PTPRR: variants seen among roughly 807,000 people sequenced by gnomAD.
PTPRR encodes receptor-type tyrosine-protein phosphatase R.
Under a neutral mutation model 77.2 loss-of-function variants are expected in PTPRR, and 38 were observed. The observed-to-expected ratio is 0.49, with a 90% CI of 0.38 to 0.65. The LOEUF is 0.65. PTPRR is among the 30% of genes least tolerant of loss of function. The probability of loss-of-function intolerance (pLI) is 0.00; values close to 1 mark genes in which losing one functional copy is unlikely to be tolerated. For missense variants in PTPRR, 744 were observed against 799.2 expected, an observed-to-expected ratio of 0.93 and a Z score of 0.83; for synonymous variants, 299 against 283.1, an observed-to-expected ratio of 1.06 and a Z score of -0.57.
chr12:70,882,764 C>T (rs1001218794), intron 2 of PTPRR, among the ~76,000 whole-genome samples: 1 of 152,150 alleles, frequency 6.6e-6, no homozygotes, highest in African/African-American at 2.4e-5. Flanking sequence ...AGCTCCAGAT[C>T]CTCATCTATT....
At chr12:70,813,320 C>T (rs1891842751) in intron 2 of PTPRR, among the ~76,000 whole-genome samples, 1 of 152,172 alleles carries the variant, frequency 6.6e-6, no homozygotes, top group African/African-American at 2.4e-5. Context: ...AGAGGATTAA[C>T]TTTTGCATTG....
intron 10 of PTPRR, among the ~76,000 whole-genome samples, chr12:70,669,961 A>T (rs1887157929): frequency 6.6e-6 from 1 of 152,150 alleles, no homozygotes; most frequent in Non-Finnish European, 1.5e-5. Flanking sequence ...CTGGCCAAAC[A>T]TGTGTAATTA....
In PTPRR at chr12:70,797,742, C is replaced by T. The variant is rs577530745; in HGVS notation, c.358-32964G>A. Among the ~76,000 whole-genome samples the T allele has an allele frequency of 4.6e-5, 7 of 152,282 alleles. No individual in the cohort carries two copies. The East Asian group carries it at 1.2e-3, about 25-fold the overall frequency. ...TCTTCTTGAAACTTTCTTCTCTTAG[C>T]TTCTGTGGCATCATATATTCCTGGG... On this transcript the variant is annotated intron_variant, in intron 2 of 13. Transcript: ENST00000283228.
At chr12:70,757,892 A>G (rs1890599800) in intron 4 of PTPRR, among the ~76,000 whole-genome samples, 1 of 152,226 alleles carries the variant, frequency 6.6e-6, no homozygotes, top group African/African-American at 2.4e-5. Context: ...ATAAAGTTGT[A>G]AGAAAACTCA....
chr12:70,830,791 T>C (rs1443309402), intron 2 of PTPRR, among the ~76,000 whole-genome samples: 2 of 152,218 alleles, frequency 1.3e-5, no homozygotes, highest in Non-Finnish European at 2.9e-5. Context: ...ATCAGGGCTC[T>C]GAGTTCTCTA....
intron 2 of PTPRR, among the ~76,000 whole-genome samples, chr12:70,825,878 C>T (rs894375181): frequency 6.6e-6 from 1 of 152,222 alleles, no homozygotes; most frequent in Non-Finnish European, 1.5e-5. Context: ...GTGGCTCCCA[C>T]GTTACAGCTG....
chr12:70,688,564 A>G (rs1887951870), intron 8 of PTPRR, among the ~76,000 whole-genome samples: 1 of 152,208 alleles, frequency 6.6e-6, no homozygotes, highest in Admixed American at 6.5e-5. Flanking sequence ...GTTGTGAAGA[A>G]AAGGGAGCTC....
chr12:70,656,434 T>C lies in PTPRR; in HGVS notation c.1880+270A>G, dbSNP rs1437060814. Among the ~76,000 whole-genome samples the C allele has an allele frequency of 2.0e-5, 3 of 151,800 alleles. No individual in the cohort carries two copies. In the South Asian group the frequency reaches 6.2e-4, roughly 32 times the overall value. On this transcript the variant is annotated intron_variant, in intron 13 of 13. Coordinates refer to ENST00000283228, the MANE Select transcript of PTPRR (RefSeq NM_002849.4). ...TCCTAGCTACGTGCGGGGGCTGAGG[T>C]GTGAGGATTGCTTGAGCCCAGGAGT...
chr12:70,888,075 A>C (rs916287361), intron 2 of PTPRR, among the ~76,000 whole-genome samples: 1 of 151,956 alleles, frequency 6.6e-6, no homozygotes, highest in African/African-American at 2.4e-5. Flanking sequence ...AACTTTCTGC[A>C]GATCACCATA....
intron 5 of PTPRR, among the ~76,000 whole-genome samples, chr12:70,748,386 C>T (rs931219239): frequency 6.6e-6 from 1 of 152,124 alleles, no homozygotes; most frequent in Non-Finnish European, 1.5e-5. Flanking sequence ...AGATTGAGAT[C>T]TGGAATATAG....
At chr12:70,755,505 G>A (rs779443539) in intron 4 of PTPRR, among the ~76,000 whole-genome samples, 16 of 152,136 alleles carry the variant, frequency 1.1e-4, no homozygotes, top group Non-Finnish European at 2.1e-4. Context: ...GGGAAGATAA[G>A]CAAGGCTGAA....
At chr12:70,763,289 C>A (rs183348637) in intron 3 of PTPRR, among the ~76,000 whole-genome samples, 2 of 151,828 alleles carry the variant, frequency 1.3e-5, no homozygotes, top group African/African-American at 4.8e-5. Context: ...CCACCATGCC[C>A]GGCCAATTTT....
chr12:70,732,497 C>T (rs1889695217), intron 6 of PTPRR, among the ~76,000 whole-genome samples: 1 of 152,226 alleles, frequency 6.6e-6, no homozygotes, highest in African/African-American at 2.4e-5. Context: ...TGAGGCCAGG[C>T]AACCTGCCAG....
intron 2 of PTPRR, among the ~76,000 whole-genome samples, chr12:70,883,645 T>A (rs1019223244): frequency 6.5e-4 from 99 of 152,310 alleles, no homozygotes; most frequent in African/African-American, 1.7e-3. Flanking sequence ...TGAGTTTTTT[T>A]AAATGTCAGT....
At chr12:70,913,139 T>A (rs1412573731) in intron 1 of PTPRR, among the ~76,000 whole-genome samples, 1 of 152,156 alleles carries the variant, frequency 6.6e-6, no homozygotes, top group Non-Finnish European at 1.5e-5. Flanking sequence ...TCATCTCACA[T>A]AAAGCGATTT....
chr12:70,651,803 G>A (rs566428561), intron 13 of PTPRR, among the ~76,000 whole-genome samples: 1 of 152,144 alleles, frequency 6.6e-6, no homozygotes, highest in South Asian at 2.1e-4. Context: ...TTAGAGATCA[G>A]GCAAATGTCC....
At chr12:70,916,686 C>T (rs923020244) in intron 1 of PTPRR, among the ~76,000 whole-genome samples, 11 of 152,006 alleles carry the variant, frequency 7.2e-5, no homozygotes, top group African/African-American at 2.7e-4. Flanking sequence ...TATCATTTAC[C>T]TGTTAGTCTA....
At chr12:70,650,516 C>T (rs1211969160) in intron 13 of PTPRR, among the ~76,000 whole-genome samples, 5 of 152,122 alleles carry the variant, frequency 3.3e-5, no homozygotes, top group African/African-American at 4.8e-5. Flanking sequence ...TGTGCCTGAA[C>T]GCCACCAAGA....
rs1032679843 is a variant in PTPRR at position 70,761,368 on chromosome 12, A to G, written c.627+103T>C. 7 of 1,096,280 alleles carry G rather than the reference A, an allele frequency of 6.4e-6. No individual in the cohort carries two copies. The African/African-American group carries it at 1.1e-4, about 17-fold the overall frequency. 67.9% of individuals were successfully genotyped at this position (1,096,280 alleles called of 1,614,324 possible). A position where few individuals can be genotyped will look rare whatever the true frequency, so the allele number is the denominator to read the frequency against. ...TCAGGGAAATTTTTATTATCAAATA[A>G]CATACAATAAACAACTTCCATCTCA... On this transcript the variant is annotated intron_variant, in intron 4 of 13. Transcript: ENST00000283228.
Sources: allele counts gnomAD v4.1 joint callset (sites outside exome capture counted in the v4.1 genomes callset), GRCh38; gene constraint gnomAD v4.1.1; transcripts MANE v1.5; gene names NCBI Gene and HGNC (gene_info 2026-07-23, HGNC 2026-07-21).